The following ECT2 variants were observed in gnomAD, a reference collection of about 807,000 sequenced individuals.
ECT2 encodes the protein epithelial cell transforming 2.
Under a neutral mutation model 116.9 loss-of-function variants are expected in ECT2, and 61 were observed. The observed-to-expected ratio is 0.52, with a 90% CI of 0.42 to 0.65. ECT2 has a LOEUF of 0.65. Among genes scored for constraint, ECT2 ranks in the 30% least tolerant of loss-of-function variants. The probability of loss-of-function intolerance (pLI) is 0.00; values close to 1 mark genes in which losing one functional copy is unlikely to be tolerated. For synonymous variants in ECT2, 358 were observed against 346.4 expected (o/e 1.03, Z -0.37); for missense variants, 937 against 1,078.7 (o/e 0.87, Z 1.84).
chr3:172,780,609 T>G (rs1722527541), intron 14 of ECT2, among the ~76,000 whole-genome samples: 1 of 152,198 alleles, frequency 6.6e-6, no homozygotes, highest in Non-Finnish European at 1.5e-5. Context: ...CAAACTCTGG[T>G]CTCAAGTGGT....
intron 20 of ECT2, among the ~76,000 whole-genome samples, chr3:172,803,623 C>T (rs1405265683): frequency 2.0e-5 from 3 of 152,050 alleles, no homozygotes; most frequent in South Asian, 2.1e-4. Context: ...GTGCGGTTTT[C>T]CTTCATCTCA....
intron 12 of ECT2, among the ~76,000 whole-genome samples, chr3:172,767,147 A>G (rs566873843): frequency 6.6e-6 from 1 of 152,164 alleles, no homozygotes; most frequent in Non-Finnish European, 1.5e-5. Context: ...TGTTTTTTTT[A>G]AAAAGCACTC....
At chr3:172,769,182 G>A in intron 13 of ECT2, 39 bp downstream of exon 13, 1 of 1,546,998 alleles carries the variant, frequency 6.5e-7, no homozygotes, top group Non-Finnish European at 8.8e-7. Context: ...TTCTGTTCCA[G>A]TGTTCCTAAG....
At chr3:172,786,740 C>A (rs1217792156) in intron 18 of ECT2, among the ~76,000 whole-genome samples, 166 bp downstream of exon 18, 2 of 152,110 alleles carry the variant, frequency 1.3e-5, no homozygotes, top group Non-Finnish European at 2.9e-5. Flanking sequence ...TGTAAGAATA[C>A]ATTCATTAAT....
In ECT2 at chr3:172,764,414, G is replaced by T; in HGVS notation, c.1205G>T (p.Arg402Leu). Reference sequence around the variant, plus strand: ...ACAGACGTGTCACCATTTCCACCCCGTAAGCGCCCATCAGCTGAGCATTCC... The same window carrying T: ...ACAGACGTGTCACCATTTCCACCCCTTAAGCGCCCATCAGCTGAGCATTCC... ...RETDVSPFPP[R>L]KRPSAEHSLS... The change falls in exon 12 of 25, where the codon CGT becomes CTT. Residue 402 changes from arginine to leucine, a missense_variant. Physicochemically the swap from Arg to Leu is moderately radical, Grantham distance 102 (BLOSUM62 -2). Coordinates refer to ENST00000392692, the MANE Select transcript of ECT2 (RefSeq NM_001258315.2). 1 of 1,614,050 alleles carries T rather than the reference G, an allele frequency of 6.2e-7. No individual in the cohort carries two copies. Among genetic ancestry groups the T allele is most frequent in the South Asian group, 1.1e-5 (1 of 91,082 alleles).
chr3:172,802,170 A>G (rs570586150), intron 18 of ECT2, among the ~76,000 whole-genome samples: 3 of 151,604 alleles, frequency 2.0e-5, no homozygotes, highest in Non-Finnish European at 4.4e-5. Context: ...ACTGGAGTGG[A>G]ATGGTGTGAT....
At chr3:172,775,914 A>G (rs897372770) in intron 14 of ECT2, among the ~76,000 whole-genome samples, 1 of 152,140 alleles carries the variant, frequency 6.6e-6, no homozygotes, top group Non-Finnish European at 1.5e-5. Flanking sequence ...GATTACAGGC[A>G]TAAGTCACTG....
At chr3:172,825,372 A>G (rs1259672081), downstream of ECT2, among the ~76,000 whole-genome samples, 1 of 152,126 alleles carries the variant, frequency 6.6e-6, no homozygotes, top group Non-Finnish European at 1.5e-5. Context: ...CTAAAAAATC[A>G]AAAGCTAGGA....
intron 7 of ECT2, among the ~76,000 whole-genome samples, chr3:172,761,231 A>T (rs1718229190): frequency 6.6e-6 from 1 of 152,108 alleles, no homozygotes; most frequent in Non-Finnish European, 1.5e-5. Context: ...GTACTCTTCA[A>T]TTTACCCTAA....
At chr3:172,799,410 A>G (rs1726303893) in intron 18 of ECT2, among the ~76,000 whole-genome samples, 1 of 152,198 alleles carries the variant, frequency 6.6e-6, no homozygotes, top group Non-Finnish European at 1.5e-5. Context: ...TCCCAAGACA[A>G]TGAGGCAAGA....
chr3:172,762,578 T>C, intron 9 of ECT2, 32 bp downstream of exon 9: 1 of 1,580,614 alleles, frequency 6.3e-7, no homozygotes, highest in Non-Finnish European at 8.5e-7. Context: ...AAGTTATATC[T>C]ATTTTAGTCC....
intron 5 of ECT2, among the ~76,000 whole-genome samples, chr3:172,757,517 G>T (rs536450598): frequency 2.2e-4 from 32 of 146,252 alleles, no homozygotes; most frequent in African/African-American, 8.0e-4. Context: ...CTGGGTTCAC[G>T]CCATTCTCCT....
At chr3:172,757,517 G>A (rs536450598) in intron 5 of ECT2, among the ~76,000 whole-genome samples, 6 of 146,172 alleles carry the variant, frequency 4.1e-5, no homozygotes, top group Admixed American at 7.2e-5. Context: ...CTGGGTTCAC[G>A]CCATTCTCCT....
intron 11 of ECT2, 53 bp from the exon 12 acceptor site, chr3:172,764,225 G>C: frequency 6.7e-7 from 1 of 1,485,268 alleles, no homozygotes; most frequent in Non-Finnish European, 9.3e-7. Flanking sequence ...TCTTGTTCCT[G>C]TCTCAGTAAA....
At chr3:172,777,458 C>A (rs1281057792) in intron 14 of ECT2, among the ~76,000 whole-genome samples, 1 of 152,170 alleles carries the variant, frequency 6.6e-6, no homozygotes, top group Non-Finnish European at 1.5e-5. Context: ...ACTTTAGAAG[C>A]CTCATCCTTA....
chr3:172,751,915 A>G (rs915720166), intron 1 of ECT2, among the ~76,000 whole-genome samples: 2 of 152,168 alleles, frequency 1.3e-5, no homozygotes, highest in Non-Finnish European at 2.9e-5. Context: ...TCATCAAGTT[A>G]CCGTAGTGCA....
At position 172,782,084 on chromosome 3, in the gene ECT2, T is replaced by C. The variant is rs532064430; in HGVS notation, c.1549-79T>C. On this transcript the variant is annotated intron_variant, in intron 14 of 24. Coordinates refer to ENST00000392692, the MANE Select transcript of ECT2 (RefSeq NM_001258315.2). ...CACTTTGTAAAGTGCTTCTTTCCAA[T>C]GAGTATCTCAGAAATAATAAAAGTT... 1.2e-3 allele frequency: 879 copies of C among 745,952 alleles called. 21 individuals are homozygous for C. The South Asian group carries it at 0.026, about 22-fold the overall frequency. 46.2% of individuals were successfully genotyped at this position (745,952 alleles called of 1,614,324 possible).
intron 22 of ECT2, among the ~76,000 whole-genome samples, chr3:172,812,144 C>T (rs116467561): frequency 0.047 from 7,176 of 152,004 alleles, 223 homozygotes; most frequent in Middle Eastern, 0.082. Context: ...CGACCATGCC[C>T]GGCTAATTTT....
At chr3:172,797,717 A>T (rs561006618) in intron 18 of ECT2, among the ~76,000 whole-genome samples, 3 of 152,278 alleles carry the variant, frequency 2.0e-5, no homozygotes, top group East Asian at 3.9e-4. Flanking sequence ...CTTTTTGATA[A>T]CTGGCCTAAG....
Sources: allele counts gnomAD v4.1 joint callset (sites outside exome capture counted in the v4.1 genomes callset), GRCh38; gene constraint gnomAD v4.1.1; transcripts MANE v1.5; gene names NCBI Gene and HGNC (gene_info 2026-07-23, HGNC 2026-07-21).